The following ADCY2 variants were observed in gnomAD, a reference collection of about 807,000 sequenced individuals.
ADCY2 encodes the protein adenylate cyclase 2.
Under a neutral mutation model 125.2 loss-of-function variants are expected in ADCY2, and 31 were observed. That is an observed-to-expected ratio of 0.25 (90% CI 0.19 to 0.33). ADCY2 has a LOEUF of 0.33. ADCY2 is among the 10% of genes least tolerant of loss of function. ADCY2 has a pLI of 1.00. For synonymous variants in ADCY2, 512 were observed against 548.4 expected (o/e 0.93, Z 0.93); for missense variants, 904 against 1,418.2 (o/e 0.64, Z 5.82).
At chr5:7,702,467 G>A (rs1251965699) in intron 7 of ADCY2, among the ~76,000 whole-genome samples, 1 of 151,918 alleles carries the variant, frequency 6.6e-6, no homozygotes, top group Non-Finnish European at 1.5e-5. Flanking sequence ...CTATGAGTGA[G>A]AACATGTGGT....
At chr5:7,473,960 C>G (rs1742429732) in intron 2 of ADCY2, among the ~76,000 whole-genome samples, 1 of 152,192 alleles carries the variant, frequency 6.6e-6, no homozygotes, top group Non-Finnish European at 1.5e-5. Flanking sequence ...CATGGTGGCC[C>G]TGTCTTCCGT....
chr5:7,615,011 C>A (rs962573965), intron 3 of ADCY2, among the ~76,000 whole-genome samples: 12 of 152,166 alleles, frequency 7.9e-5, no homozygotes. Flanking sequence ...CCTCAGGAAA[C>A]TTGCAATCAT....
chr5:7,475,464 C>G (rs958761564), intron 2 of ADCY2, among the ~76,000 whole-genome samples: 2 of 152,062 alleles, frequency 1.3e-5, no homozygotes, highest in Admixed American at 1.3e-4. Context: ...TCACTGCAAC[C>G]TCCGTCCCCC....
intron 2 of ADCY2, among the ~76,000 whole-genome samples, chr5:7,471,140 A>G (rs1742319713): frequency 6.6e-6 from 1 of 151,874 alleles, no homozygotes; most frequent in African/African-American, 2.4e-5. Flanking sequence ...TACCCTATCA[A>G]TGCCTTTATA....
intron 2 of ADCY2, among the ~76,000 whole-genome samples, chr5:7,471,769 T>G (rs1037432920): frequency 6.6e-6 from 1 of 152,058 alleles, no homozygotes; most frequent in African/African-American, 2.4e-5. Context: ...AAAGTGTCAT[T>G]TTTTCCATCA....
intron 2 of ADCY2, among the ~76,000 whole-genome samples, chr5:7,484,024 A>G (rs989506166): frequency 5.9e-5 from 9 of 152,218 alleles, no homozygotes; most frequent in African/African-American, 2.2e-4. Flanking sequence ...TTTATCTTTC[A>G]AGGTGAGGAA....
At chr5:7,776,160 G>GAC (rs1221466495) in intron 18 of ADCY2, among the ~76,000 whole-genome samples, 1 of 134,296 alleles carries the variant, frequency 7.4e-6, no homozygotes, top group Non-Finnish European at 1.5e-5. Flanking sequence ...TATTGATGCT[G>GAC]ACACACACTT....
chr5:7,788,089 T>C (rs1238370003), intron 19 of ADCY2, among the ~76,000 whole-genome samples: 1 of 152,172 alleles, frequency 6.6e-6, no homozygotes, highest in African/African-American at 2.4e-5. Context: ...GCTTTTCTAG[T>C]CAATGTAGAG....
At chr5:7,685,140 C>G (rs1740475133) in intron 4 of ADCY2, 3 of 152,286 alleles carry the variant, frequency 2.0e-5, no homozygotes, top group Admixed American at 2.0e-4. Flanking sequence ...CACTTGGAGT[C>G]TCCTTGCCCT....
At chr5:7,596,977 A>C (rs777356273) in intron 3 of ADCY2, among the ~76,000 whole-genome samples, 1 of 152,250 alleles carries the variant, frequency 6.6e-6, no homozygotes, top group Non-Finnish European at 1.5e-5. Flanking sequence ...AAGGGAGTCC[A>C]GGAAAACTAG....
At chr5:7,530,309 A>T (rs1022976610) in intron 3 of ADCY2, among the ~76,000 whole-genome samples, 1 of 152,208 alleles carries the variant, frequency 6.6e-6, no homozygotes, top group Admixed American at 6.5e-5. Flanking sequence ...TTTGGGAAAT[A>T]TGTTCCTAAT....
At chr5:7,739,895 T>C (rs1233159765) in intron 14 of ADCY2, among the ~76,000 whole-genome samples, 1 of 152,006 alleles carries the variant, frequency 6.6e-6, no homozygotes, top group Non-Finnish European at 1.5e-5. Context: ...CATGTATCTA[T>C]TTATTGAATT....
rs558659766 is a variant in ADCY2, at chr5:7,749,670, C to T, written c.1956+5918C>T. The stretch of plus-strand genomic sequence containing the variant: ...ACCAACCCCCAAAACACCTTTAGAA[C>T]GCATATGCTGGATACGGCAAATGAA... On this transcript the variant is annotated intron_variant, in intron 15 of 24. Coordinates refer to ENST00000338316, the MANE Select transcript of ADCY2 (RefSeq NM_020546.3). The T allele has an allele frequency of 1.6e-4, 25 of 152,256 alleles. No individual in the cohort carries two copies. In the South Asian group the frequency reaches 2.3e-3, roughly 14 times the overall value. The allele number at this position is 152,256 out of a possible 1,614,324, so 9.4% of individuals were successfully genotyped here. A position where few individuals can be genotyped will look rare whatever the true frequency, so the allele number is the denominator to read the frequency against.
intron 3 of ADCY2, among the ~76,000 whole-genome samples, chr5:7,616,068 A>G (rs1410219235): frequency 6.6e-6 from 1 of 152,186 alleles, no homozygotes; most frequent in Non-Finnish European, 1.5e-5. Flanking sequence ...CTATGACCTC[A>G]CTAAGTAATA....
chr5:7,664,466 A>G (rs964449506), intron 4 of ADCY2, among the ~76,000 whole-genome samples: 1 of 152,192 alleles, frequency 6.6e-6, no homozygotes, highest in African/African-American at 2.4e-5. Context: ...CAGGCTTGCC[A>G]TTGAGAACTA....
intron 2 of ADCY2, among the ~76,000 whole-genome samples, chr5:7,455,702 A>G (rs1468645906): frequency 6.8e-6 from 1 of 146,082 alleles, no homozygotes; most frequent in Non-Finnish European, 1.5e-5. Context: ...ATCAATTATT[A>G]ACATAATTAT....
intron 4 of ADCY2, among the ~76,000 whole-genome samples, chr5:7,683,475 G>A (rs1325702707): frequency 6.6e-6 from 1 of 152,198 alleles, no homozygotes; most frequent in South Asian, 2.1e-4. Flanking sequence ...CACTGTAGGG[G>A]GACTGCCACT....
intron 20 of ADCY2, chr5:7,801,939 C>T (rs967141491): frequency 6.0e-6 from 2 of 331,128 alleles, no homozygotes; most frequent in East Asian, 5.2e-5. Flanking sequence ...GCCAGAACTC[C>T]GTGGTCTGTT....
At chr5:7,757,056 G>A (rs538688861) in intron 15 of ADCY2, among the ~76,000 whole-genome samples, 5 of 152,074 alleles carry the variant, frequency 3.3e-5, no homozygotes, top group South Asian at 4.2e-4. Context: ...TGTGTTGATC[G>A]CTTGCCACAT....
Sources: allele counts gnomAD v4.1 joint callset (sites outside exome capture counted in the v4.1 genomes callset), GRCh38; gene constraint gnomAD v4.1.1; transcripts MANE v1.5; gene names NCBI Gene and HGNC (gene_info 2026-07-23, HGNC 2026-07-21).